Variants in MEX3D observed in about 807,000 individuals in gnomAD.
The protein encoded by MEX3D is mex-3 RNA binding family member D.
Under a neutral mutation model 6.3 loss-of-function variants are expected in MEX3D, and 4 were observed. That is an observed-to-expected ratio of 0.64 (90% CI 0.31 to 1.46). The LOEUF (loss-of-function observed/expected upper bound fraction) is 1.46, where lower values mean the gene tolerates loss of function less well. MEX3D is among the 40% of genes most tolerant of loss of function. The pLI is 0.07. For synonymous variants in MEX3D, 626 were observed against 494.1 expected, an observed-to-expected ratio of 1.27 and a Z score of -3.54; for missense variants, 1,038 against 994.4, an observed-to-expected ratio of 1.04 and a Z score of -0.59.
chr19:1,563,151 G>A (rs748459129), intron 1 of MEX3D, among the ~76,000 whole-genome samples: 2 of 152,204 alleles, frequency 1.3e-5, no homozygotes, highest in South Asian at 2.1e-4. Context: ...TGCAGTGTAT[G>A]GACAGGAAAA....
chr19:1,557,302 C>A (rs1188139862), intron 1 of MEX3D, among the ~76,000 whole-genome samples: 2 of 152,144 alleles, frequency 1.3e-5, no homozygotes, highest in African/African-American at 4.8e-5. Context: ...CCGTGGCTCA[C>A]CCATGTAATC....
chr19:1,563,221 G>A (rs147082516), intron 1 of MEX3D, among the ~76,000 whole-genome samples: 49 of 152,330 alleles, frequency 3.2e-4, no homozygotes, highest in Non-Finnish European at 4.9e-4. Flanking sequence ...AAAACCTGGG[G>A]CCTGCGGGGA....
rs1914592412 is a variant in MEX3D at position 1,557,062 on chromosome 19, C to T, written c.596-139G>A. ...CCCAACAACACTTTATCCTCAGACA[C>T]GCCACGTCCCTTCTTCCCTCAGCCT... On this transcript the variant is annotated intron_variant, in intron 1 of 1. Transcript: ENST00000402693. The T allele has an allele frequency of 4.8e-6, 5 of 1,049,288 alleles. No individual in the cohort carries two copies. The South Asian group carries it at 8.1e-5, about 17-fold the overall frequency. 65.0% of individuals were successfully genotyped at this position (1,049,288 alleles called of 1,614,324 possible). A position where few individuals can be genotyped will look rare whatever the true frequency, so the allele number is the denominator to read the frequency against.
chr19:1,555,236 A>G lies in MEX3D; in HGVS notation c.*327T>C. On this transcript the variant is annotated 3_prime_UTR_variant, in exon 2 of 2. Coordinates refer to ENST00000402693, the MANE Select transcript of MEX3D (RefSeq NM_203304.4). The stretch of plus-strand genomic sequence containing the variant: ...GTCGTGTTTTTTGTTTTGCTTTTTT[A>G]AAGATCACCCTGGAGGGGAGGGGTG... The G allele has an allele frequency of 7.9e-7, 1 of 1,271,310 alleles. No homozygotes were observed. The highest frequency in any genetic ancestry group is 1.1e-6 in the Non-Finnish European group (1 of 951,298). The allele number at this position is 1,271,310 out of a possible 1,614,324, so 78.8% of individuals were successfully genotyped here.
Position 1,567,438 on chromosome 19 carries a change from A to G in MEX3D, c.595+26T>C. Reference sequence around the variant, plus strand: ...CGGACGGTGCGGGGACCCCCAGGACAGCAACCCCCGACGAGGGCCACTCAC... The same window carrying G: ...CGGACGGTGCGGGGACCCCCAGGACGGCAACCCCCGACGAGGGCCACTCAC... On this transcript the variant is annotated intron_variant, in intron 1 of 1. Transcript: ENST00000402693. This position sits in a 1 kb window ranked among gnomAD's most constrained non-coding sequence, Gnocchi z 6.5. The G allele has an allele frequency of 2.6e-6, 4 of 1,551,592 alleles. No homozygotes were observed. Among genetic ancestry groups the G allele is most frequent in the Non-Finnish European group, 2.6e-6 (3 of 1,152,558 alleles).
At chr19:1,560,514 C>T (rs1182408296) in intron 1 of MEX3D, among the ~76,000 whole-genome samples, 1 of 152,236 alleles carries the variant, frequency 6.6e-6, no homozygotes, top group Non-Finnish European at 1.5e-5. Context: ...GTGGGAGAGG[C>T]TGCCCCGACG....
chr19:1,567,044 C>T lies in MEX3D; in HGVS notation c.595+420G>A, dbSNP rs112110646. ...CCTTCTCTCCCGGTCCTGCAGGCGGCCCCCCTAAGCCACCCCTAAACCTGC... is the reference window on the plus strand; with the variant it reads ...CCTTCTCTCCCGGTCCTGCAGGCGGTCCCCCTAAGCCACCCCTAAACCTGC... On this transcript the variant is annotated intron_variant, in intron 1 of 1. Coordinates refer to ENST00000402693, the MANE Select transcript of MEX3D (RefSeq NM_203304.4). This position sits in a 1 kb window ranked among gnomAD's most constrained non-coding sequence, Gnocchi z 6.5. 0.016 allele frequency among the ~76,000 whole-genome samples: 2,479 copies of T among 152,208 alleles called. 34 individuals carry two copies. Among genetic ancestry groups the T allele is most frequent in the Non-Finnish European group, 0.025 (1,717 of 67,968 alleles).
rs1415666318 is a variant in MEX3D at position 1,555,650 on chromosome 19, G to A, written c.1869C>T (p.Asp623=). ...VPCGHNLFCM[D]CAVRICGKSE... Reference sequence around the variant, plus strand: ...TCTTGCCGCAGATGCGGACGGCGCAGTCCATGCAGAAGAGGTTGTGGCCGC... The same window carrying A: ...TCTTGCCGCAGATGCGGACGGCGCAATCCATGCAGAAGAGGTTGTGGCCGC... Residue 623 remains aspartate, a synonymous_variant, in exon 2 of 2, where the codon GAC becomes GAT. Transcript: ENST00000402693. 34 of 1,587,442 alleles carry A rather than the reference G, an allele frequency of 2.1e-5. No homozygotes were observed. Among genetic ancestry groups the A allele is most frequent in the Non-Finnish European group, 2.8e-5 (33 of 1,169,876 alleles).
At chr19:1,558,373 A>G (rs551322814) in intron 1 of MEX3D, among the ~76,000 whole-genome samples, 1 of 150,532 alleles carries the variant, frequency 6.6e-6, no homozygotes, top group East Asian at 1.9e-4. Flanking sequence ...TCAAAAAAAG[A>G]AGGAAAAAAA....
chr19:1,567,645 C>T lies in MEX3D; in HGVS notation c.414G>A (p.Pro138=), dbSNP rs1407546573. 12 of 1,102,788 alleles carry T rather than the reference C, an allele frequency of 1.1e-5. No individual in the cohort carries two copies. In the East Asian group the frequency reaches 3.0e-4, roughly 28 times the overall value. The allele number at this position is 1,102,788 out of a possible 1,614,324, so 68.3% of individuals were successfully genotyped here. A position where few individuals can be genotyped will look rare whatever the true frequency, so the allele number is the denominator to read the frequency against. Residue 138 remains proline, a synonymous_variant, in exon 1 of 2, where the codon CCG becomes CCA. Transcript: ENST00000402693. This position sits in a 1 kb window ranked among gnomAD's most constrained non-coding sequence, Gnocchi z 6.5. ...DPNASPPPPP[P]PRPSPPDVFA... Reference sequence around the variant, plus strand: ...ACACGTCGGGGGGCGACGGCCGGGGCGGCGGCGGCGGCGGGGGACTCGCGT... The same window carrying T: ...ACACGTCGGGGGGCGACGGCCGGGGTGGCGGCGGCGGCGGGGGACTCGCGT...
rs533356502 is a variant in MEX3D, at chr19:1,560,243, G to C, written c.596-3320C>G. Reference sequence around the variant, plus strand: ...GGCAGCCACCCTGGCAGGTCTCACTGCAGCCCACAGTGTTTGCTTTAGATA... The same window carrying C: ...GGCAGCCACCCTGGCAGGTCTCACTCCAGCCCACAGTGTTTGCTTTAGATA... On this transcript the variant is annotated intron_variant, in intron 1 of 1. Transcript: ENST00000402693. Among the ~76,000 whole-genome samples the C allele has an allele frequency of 1.7e-3, 256 of 152,374 alleles. 1 individual carries two copies. The highest frequency in any genetic ancestry group is 5.5e-3 in the African/African-American group (229 of 41,590).
rs1914869342 is a variant in MEX3D, at chr19:1,567,401, C to T, written c.595+63G>A. 4.0e-6 allele frequency: 6 copies of T among 1,481,834 alleles called. No individual in the cohort carries two copies. Among genetic ancestry groups the T allele is most frequent in the Non-Finnish European group, 5.4e-6 (6 of 1,120,524 alleles). The allele number at this position is 1,481,834 out of a possible 1,614,324, so 91.8% of individuals were successfully genotyped here. ...GGGCTGGGCTGGGCTCGGGCGACCC[C>T]CTTCCCCGGGGCGGACGGTGCGGGG... On this transcript the variant is annotated intron_variant, in intron 1 of 1. Transcript: ENST00000402693. The surrounding 1 kb of genome is among the most constrained non-coding windows in gnomAD (Gnocchi z 6.5).
chr19:1,568,097 G>GCGCCGC lies in MEX3D; in HGVS notation c.-45_-40dup, dbSNP rs931992103. On this transcript the variant is annotated 5_prime_UTR_variant, in exon 1 of 2. Transcript: ENST00000402693. ...GCTGGGGCCCGCGCTCCTGCCGCCC[G>GCGCCGC]CGCCGCCGCCGCCGCCCGCGCCGCC... is the stretch of plus-strand genomic sequence containing the variant. 3 of 976,834 alleles carry GCGCCGC rather than the reference G, an allele frequency of 3.1e-6. No homozygotes were observed. The highest frequency in any genetic ancestry group is 3.6e-5 in the African/African-American group (2 of 55,362). 60.5% of individuals were successfully genotyped at this position (976,834 alleles called of 1,614,324 possible).
In MEX3D at chr19:1,556,947, C is replaced by G; in HGVS notation, c.596-24G>C. 6.4e-7 allele frequency: 1 copy of G among 1,571,884 alleles called. No individual in the cohort carries two copies. Among genetic ancestry groups the G allele is most frequent in the Non-Finnish European group, 8.6e-7 (1 of 1,163,486 alleles). ...GCCTGTCCGGGAGGGAGGGGAAGGA[C>G]AAGGTGACCCAGAGCCCCCTGCGCA... is the stretch of plus-strand genomic sequence containing the variant. On this transcript the variant is annotated intron_variant, in intron 1 of 1. Transcript: ENST00000402693. This position sits in a 1 kb window ranked among gnomAD's most constrained non-coding sequence, Gnocchi z 7.5.
At chr19:1,561,610 G>A (rs1002278556) in intron 1 of MEX3D, among the ~76,000 whole-genome samples, 2 of 152,096 alleles carry the variant, frequency 1.3e-5, no homozygotes, top group African/African-American at 4.8e-5. Flanking sequence ...GCCAAGGCAG[G>A]AGGATCACTT....
Position 1,567,777 on chromosome 19 carries a change from G to T in MEX3D, c.282C>A (p.Asp94Glu). 2.1e-6 allele frequency: 2 copies of T among 954,926 alleles called. No homozygotes were observed. The highest frequency in any genetic ancestry group is 2.5e-6 in the Non-Finnish European group (2 of 802,256). 59.2% of individuals were successfully genotyped at this position (954,926 alleles called of 1,614,324 possible). ...GCACAGGCTCCGGAGCCGCCCCGCC[G>T]TCCGCGCCCCCCGCCGCCGCTGCGC... Reference protein sequence around the residue: ...GDGAAAAGGADGGAAPEPVPP... With the variant: ...GDGAAAAGGAEGGAAPEPVPP... Residue 94 changes from aspartate (D) to glutamate (E), a missense_variant, in exon 1 of 2, where the codon GAC becomes GAA. This residue lies in a region of MEX3D where 265 missense variants were observed against 206.3 expected (regional missense o/e 1.28). Coordinates refer to ENST00000402693, the MANE Select transcript of MEX3D (RefSeq NM_203304.4). The surrounding 1 kb of genome is among the most constrained non-coding windows in gnomAD (Gnocchi z 6.5).
intron 1 of MEX3D, among the ~76,000 whole-genome samples, chr19:1,564,987 A>C (rs916237984): frequency 6.6e-6 from 1 of 152,188 alleles, no homozygotes; most frequent in African/African-American, 2.4e-5. Context: ...GGAAGACGTA[A>C]GGACTACTGA....
chr19:1,568,325 C>G lies in MEX3D; in HGVS notation c.-267G>C, dbSNP rs1287563938. Reference sequence around the variant, plus strand: ...TCCTCGGCGGCCGAGGCGGCGGCGGCGGCGCGGGACGCTCCTTCCCTCCCG... The same window carrying G: ...TCCTCGGCGGCCGAGGCGGCGGCGGGGGCGCGGGACGCTCCTTCCCTCCCG... On this transcript the variant is annotated 5_prime_UTR_variant, in exon 1 of 2. Coordinates refer to ENST00000402693, the MANE Select transcript of MEX3D (RefSeq NM_203304.4). 2.1e-5 allele frequency among the ~76,000 whole-genome samples: 3 copies of G among 140,948 alleles called. No individual in the cohort carries two copies. The highest frequency in any genetic ancestry group is 4.7e-5 in the Non-Finnish European group (3 of 64,006). 92.5% of individuals were successfully genotyped at this position (140,948 alleles called of 152,430 possible).
chr19:1,555,441 C>T lies in MEX3D; in HGVS notation c.*122G>A. ...TAAACACTGGCCGCCGCCCACCCCC[C>T]TGCCCCCTCGGCCTCCGCCCCTCGC... On this transcript the variant is annotated 3_prime_UTR_variant, in exon 2 of 2. Transcript: ENST00000402693. The T allele has an allele frequency of 1.4e-6, 2 of 1,401,796 alleles. No individual in the cohort carries two copies. The highest frequency in any genetic ancestry group is 5.3e-4 in the Middle Eastern group (2 of 3,764). 86.8% of individuals were successfully genotyped at this position (1,401,796 alleles called of 1,614,324 possible). A position where few individuals can be genotyped will look rare whatever the true frequency, so the allele number is the denominator to read the frequency against.
Sources: allele counts gnomAD v4.1 joint callset (sites outside exome capture counted in the v4.1 genomes callset), GRCh38; gene constraint gnomAD v4.1.1; regional missense constraint gnomAD v4.1.1; non-coding constraint Gnocchi (gnomAD v3.1); transcripts MANE v1.5; gene names NCBI Gene and HGNC (gene_info 2026-07-23, HGNC 2026-07-21).